SEMA6D: variants seen among roughly 807,000 people sequenced by gnomAD.
The protein encoded by SEMA6D is semaphorin 6D, also known as semaphorin-6D.
SEMA6D carries 35 observed loss-of-function variants against 106.6 expected under a neutral mutation model. The ratio of observed to expected loss-of-function variants is 0.33; its 90% confidence interval spans 0.25 to 0.44. SEMA6D has a LOEUF of 0.44. SEMA6D is among the 20% of genes least tolerant of loss of function. The probability of loss-of-function intolerance (pLI) is 1.00; values close to 1 mark genes in which losing one functional copy is unlikely to be tolerated. For missense variants in SEMA6D, 1,185 were observed against 1,345.9 expected (o/e 0.88, Z 1.87); for synonymous variants, 499 against 487.7 (o/e 1.02, Z -0.31).
intron 3 of SEMA6D, among the ~76,000 whole-genome samples, chr15:47,535,082 AAC>A (rs2045112305): frequency 6.6e-6 from 1 of 151,494 alleles, no homozygotes; most frequent in Non-Finnish European, 1.5e-5. Flanking sequence ...AAAAAAAAAA[AAC>A]ACAAAAACAC....
At chr15:47,532,830 A>C (rs1206787358) in intron 3 of SEMA6D, among the ~76,000 whole-genome samples, 1 of 152,194 alleles carries the variant, frequency 6.6e-6, no homozygotes, top group Non-Finnish European at 1.5e-5. Context: ...GATACCAGGA[A>C]ATTCACTATA....
chr15:47,253,497 A>G (rs2033632093), intron 1 of SEMA6D, among the ~76,000 whole-genome samples: 1 of 152,190 alleles, frequency 6.6e-6, no homozygotes, highest in Non-Finnish European at 1.5e-5. Flanking sequence ...TTCAAGTCTT[A>G]CATTTAAATA....
intron 2 of SEMA6D, among the ~76,000 whole-genome samples, chr15:47,428,475 G>T (rs1038287999): frequency 5.8e-5 from 2 of 34,316 alleles, no homozygotes; most frequent in African/African-American, 1.8e-4. Context: ...CTTAAAAGTG[G>T]GTAAAATGGG....
At chr15:47,435,984 A>G (rs911117505) in intron 2 of SEMA6D, among the ~76,000 whole-genome samples, 4 of 152,100 alleles carry the variant, frequency 2.6e-5, no homozygotes, top group African/African-American at 4.8e-5. Context: ...TCCACACTTA[A>G]TGAACCAGTC....
intron 1 of SEMA6D, among the ~76,000 whole-genome samples, chr15:47,349,936 A>G (rs2038248884): frequency 6.6e-6 from 1 of 152,236 alleles, no homozygotes; most frequent in Non-Finnish European, 1.5e-5. Context: ...ACACAACAAC[A>G]GGAAATTAAC....
chr15:47,519,670 C>G (rs1042686713), intron 3 of SEMA6D, among the ~76,000 whole-genome samples: 1 of 152,180 alleles, frequency 6.6e-6, no homozygotes, highest in Non-Finnish European at 1.5e-5. Flanking sequence ...CGGGTCACAT[C>G]CCCTCCCTAA....
chr15:47,380,674 G>C lies in SEMA6D; in HGVS notation c.-238-31719G>C, dbSNP rs545643860. 2.6e-5 allele frequency: 4 copies of C among 152,272 alleles called. No individual in the cohort carries two copies. The East Asian group carries it at 7.7e-4, about 29-fold the overall frequency. The allele number at this position is 152,272 out of a possible 1,614,324, so 9.4% of individuals were successfully genotyped here. On this transcript the variant is annotated intron_variant, in intron 1 of 19. Transcript: ENST00000558014. Reference sequence around the variant, plus strand: ...TAGAACGTAGACAACTCATTTTATGGGCATGGAAGTATACAGGCTTACTAA... The same window carrying C: ...TAGAACGTAGACAACTCATTTTATGCGCATGGAAGTATACAGGCTTACTAA...
chr15:47,484,352 C>A (rs1232637931), intron 3 of SEMA6D, among the ~76,000 whole-genome samples: 1 of 152,102 alleles, frequency 6.6e-6, no homozygotes, highest in Non-Finnish European at 1.5e-5. Flanking sequence ...CCCTGCCTCA[C>A]CAACAGCCAT....
chr15:47,384,218 G>A (rs1219201206), intron 1 of SEMA6D, among the ~76,000 whole-genome samples: 1 of 152,214 alleles, frequency 6.6e-6, no homozygotes, highest in African/African-American at 2.4e-5. Context: ...AACATTGTAT[G>A]CATGTTTAGT....
chr15:47,588,412 C>T (rs2076380587), intron 3 of SEMA6D, among the ~76,000 whole-genome samples: 1 of 152,174 alleles, frequency 6.6e-6, no homozygotes, highest in South Asian at 2.1e-4. Flanking sequence ...AGCCTTTCAG[C>T]TGCCCCCTCC....
chr15:47,758,583 A>G (rs1482791223), intron 1 of SEMA6D, among the ~76,000 whole-genome samples: 4 of 152,166 alleles, frequency 2.6e-5, no homozygotes, highest in Admixed American at 1.3e-4. Context: ...TACTGTTACT[A>G]TAATGCAATT....
intron 1 of SEMA6D, among the ~76,000 whole-genome samples, chr15:47,207,993 G>GCGCACACACACA (rs1424944556): frequency 4.4e-3 from 395 of 89,366 alleles, no homozygotes; most frequent in Middle Eastern, 6.0e-3. Context: ...TGGCGCGCGC[G>GCGCACACACACA]CACACACACA....
intron 1 of SEMA6D, among the ~76,000 whole-genome samples, chr15:47,279,851 C>T (rs1442474638): frequency 2.0e-5 from 3 of 149,842 alleles, no homozygotes; most frequent in Non-Finnish European, 3.0e-5. Context: ...ATATATTGAA[C>T]CAGCCTTGCA....
chr15:47,501,628 G>A lies in SEMA6D; in HGVS notation c.-87+31083G>A, dbSNP rs538780084. Among the ~76,000 whole-genome samples the A allele has an allele frequency of 1.6e-3, 244 of 152,268 alleles. 2 individuals carry two copies. Among genetic ancestry groups the A allele is most frequent in the Non-Finnish European group, 1.7e-3 (114 of 68,012 alleles). ...CACTTCCTCTCATTTAGGAAGATGA[G>A]GATGTCAGCAGAGGGTTTCTGGAAA... On this transcript the variant is annotated intron_variant, in intron 3 of 19. Transcript: ENST00000558014.
At chr15:47,230,983 C>T (rs57471973) in intron 1 of SEMA6D, among the ~76,000 whole-genome samples, 31,238 of 151,778 alleles carry the variant, frequency 0.21, 4,634 homozygotes, top group East Asian at 0.68. Flanking sequence ...TTACTTTTTA[C>T]CCCCTTTCCT....
chr15:47,770,993 G>A lies in SEMA6D; in HGVS notation c.2430G>A (p.Pro810=), dbSNP rs144939945. The A allele has an allele frequency of 3.8e-5, 62 of 1,613,912 alleles. No homozygotes were observed. Among genetic ancestry groups the A allele is most frequent in the Middle Eastern group, 1.6e-4 (1 of 6,084 alleles). ...GGAAAGAAACCCCTCAGTTTTTTCC[G>A]TCTAGTCCGCCACCTCATTCCCCAT... ...ASRKETPQFF[P]SSPPPHSPLS... is the part of the protein sequence containing the mutation. The change falls in exon 19 of 19, where the codon CCG becomes CCA. Residue 810 remains proline (P), a synonymous_variant. Transcript: ENST00000536845.
intron 1 of SEMA6D, among the ~76,000 whole-genome samples, chr15:47,403,938 C>T (rs568694615): frequency 6.6e-6 from 1 of 152,120 alleles, no homozygotes; most frequent in South Asian, 2.1e-4. Context: ...AACTAGGAAG[C>T]TGATAAAAGA....
At chr15:47,301,114 C>T (rs983331181) in intron 1 of SEMA6D, among the ~76,000 whole-genome samples, 3 of 152,178 alleles carry the variant, frequency 2.0e-5, no homozygotes, top group Admixed American at 1.3e-4. Flanking sequence ...AAATGGAGTT[C>T]GAGTTCTTGT....
rs186835164 is a variant in SEMA6D, at chr15:47,425,634, T to C, written c.-159+13162T>C. ...ACCTTCTTCTTAAATGCAACTGAAA[T>C]TTGTTTCACTGTGCCTAAATGGTAT... On this transcript the variant is annotated intron_variant, in intron 2 of 19. Coordinates refer to the SEMA6D transcript ENST00000558014. Among the ~76,000 whole-genome samples the C allele has an allele frequency of 2.0e-4, 31 of 152,110 alleles. No homozygotes were observed. In the East Asian group the frequency reaches 5.4e-3, roughly 27 times the overall value.
Sources: allele counts gnomAD v4.1 joint callset (sites outside exome capture counted in the v4.1 genomes callset), GRCh38; gene constraint gnomAD v4.1.1; transcripts MANE v1.5; gene names NCBI Gene and HGNC (gene_info 2026-07-23, HGNC 2026-07-21).